The following TLN2 variants were observed in gnomAD, a reference collection of about 807,000 sequenced individuals.
TLN2 encodes the protein talin-2.
TLN2 carries 118 observed loss-of-function variants against 294.7 expected under a neutral mutation model. That is an observed-to-expected ratio of 0.40 (90% CI 0.34 to 0.47). TLN2 has a LOEUF of 0.47. Ranked by LOEUF, TLN2 falls within the 20% of genes least tolerant of loss-of-function variation. The pLI is 0.84. For missense variants in TLN2, 3,083 were observed against 3,282.2 expected (o/e 0.94, Z 1.48); for synonymous variants, 1,431 against 1,304.5 (o/e 1.10, Z -2.09).
rs541214564 is a variant in TLN2, at chr15:62,684,887, G to A, written c.958-1754G>A. Among the ~76,000 whole-genome samples the A allele has an allele frequency of 9.4e-5, 14 of 149,128 alleles. No homozygotes were observed. In the South Asian group the frequency reaches 2.9e-3, roughly 31 times the overall value. ...CTTATTAAGTATCTAGTATGTTCCA[G>A]CTCTGTTTTATGTGCCATTACCCTG... On this transcript the variant is annotated intron_variant, in intron 11 of 58. Transcript: ENST00000636159.
At chr15:62,599,062 C>T (rs992745201) in intron 2 of TLN2, among the ~76,000 whole-genome samples, 1 of 152,210 alleles carries the variant, frequency 6.6e-6, no homozygotes, top group Non-Finnish European at 1.5e-5. Flanking sequence ...CTTGTCACCT[C>T]TGTGTCAGGC....
At chr15:62,547,546 G>A (rs1038741049) in intron 1 of TLN2, among the ~76,000 whole-genome samples, 2 of 152,180 alleles carry the variant, frequency 1.3e-5, no homozygotes, top group Non-Finnish European at 2.9e-5. Context: ...GTGCTCCGAA[G>A]GTATCTGGAG....
chr15:62,481,797 T>TC (rs1555414792), intron 1 of TLN2, among the ~76,000 whole-genome samples: 1 of 120,994 alleles, frequency 8.3e-6, no homozygotes, highest in African/African-American at 3.1e-5. Context: ...TTTCTTTCTT[T>TC]CTTTTTTTTT....
rs562352775 is a variant in TLN2, at chr15:62,657,684, G to T, written c.661-87G>T. The T allele has an allele frequency of 7.2e-6, 11 of 1,525,588 alleles. No individual in the cohort carries two copies. The East Asian group carries it at 2.5e-4, about 35-fold the overall frequency. 94.5% of individuals were successfully genotyped at this position (1,525,588 alleles called of 1,614,324 possible). ...TGGCACTGTCCCCTGCTCCACAGAG[G>T]GTGTACTGGGCCATGGGAATGCGTC... is the stretch of plus-strand genomic sequence containing the variant. On this transcript the variant is annotated intron_variant, in intron 8 of 58. Transcript: ENST00000636159.
At chr15:62,703,323 G>A (rs1033436952) in intron 19 of TLN2, among the ~76,000 whole-genome samples, 11 of 151,930 alleles carry the variant, frequency 7.2e-5, no homozygotes, top group African/African-American at 2.7e-4. Context: ...GGCTGGTCTC[G>A]AACTTTGACC....
chr15:62,461,270 T>C (rs1029708350), intron 1 of TLN2, among the ~76,000 whole-genome samples: 5 of 152,172 alleles, frequency 3.3e-5, no homozygotes, highest in Non-Finnish European at 7.3e-5. Context: ...GAACTTAATG[T>C]AAATGGACCT....
intron 3 of TLN2, among the ~76,000 whole-genome samples, chr15:62,624,204 C>T (rs2049070416): frequency 6.6e-6 from 1 of 152,244 alleles, no homozygotes; most frequent in South Asian, 2.1e-4. Context: ...TGCTGTTTGG[C>T]TTGCACCTTT....
At chr15:62,840,201 C>T (rs1412350309) in intron 58 of TLN2, among the ~76,000 whole-genome samples, 2 of 152,176 alleles carry the variant, frequency 1.3e-5, no homozygotes, top group Non-Finnish European at 2.9e-5. Flanking sequence ...GGACTGTCTA[C>T]GTGGAGTGTT....
chr15:62,653,559 A>G (rs1178337195), intron 7 of TLN2, among the ~76,000 whole-genome samples: 5 of 152,028 alleles, frequency 3.3e-5, no homozygotes, highest in Admixed American at 3.3e-4. Context: ...CCTCATCTCT[A>G]CTAAAAACAC....
Position 62,653,076 on chromosome 15 carries a change from CT to C in TLN2, c.365-85del. 6 of 1,155,008 alleles carry C rather than the reference CT, an allele frequency of 5.2e-6. No homozygotes were observed. The South Asian group carries it at 1.2e-4, about 23-fold the overall frequency. 71.5% of individuals were successfully genotyped at this position (1,155,008 alleles called of 1,614,324 possible). On this transcript the variant is annotated intron_variant, in intron 6 of 58. Transcript: ENST00000636159. ...GTTTCTGGTTCTTTGCCACCAGGAG[CT>C]CCTTGGAATATCACAGGCCTTAGGC...
intron 1 of TLN2, among the ~76,000 whole-genome samples, chr15:62,403,834 C>A (rs554657039): frequency 2.0e-5 from 3 of 152,328 alleles, no homozygotes; most frequent in Admixed American, 2.0e-4. Flanking sequence ...TCCCCTGGCC[C>A]CTGTTCTCAA....
intron 2 of TLN2, among the ~76,000 whole-genome samples, chr15:62,591,902 G>A (rs1404972278): frequency 6.6e-6 from 1 of 152,134 alleles, no homozygotes; most frequent in African/African-American, 2.4e-5. Context: ...ATTGTCCTTT[G>A]AGGACCCCCA....
Position 62,392,927 on chromosome 15 carries a change from A to G in TLN2, c.-238+2242A>G, listed in dbSNP as rs144425935. Among the ~76,000 whole-genome samples the G allele has an allele frequency of 5.3e-5, 8 of 152,248 alleles. No individual in the cohort carries two copies. The East Asian group carries it at 1.4e-3, about 26-fold the overall frequency. ...CCTTGATTGCTTATTTGGGACCTCTATGCAAAATCAGAGGATGGCGGTGGG... is the reference window on the plus strand; with the variant it reads ...CCTTGATTGCTTATTTGGGACCTCTGTGCAAAATCAGAGGATGGCGGTGGG... On this transcript the variant is annotated intron_variant, in intron 1 of 58. Coordinates refer to ENST00000636159, the MANE Select transcript of TLN2 (RefSeq NM_015059.3).
chr15:62,577,460 C>A (rs2044524141), intron 1 of TLN2, among the ~76,000 whole-genome samples: 1 of 152,082 alleles, frequency 6.6e-6, no homozygotes, highest in Non-Finnish European at 1.5e-5. Flanking sequence ...CAAAACAAAA[C>A]AACAAACAAA....
chr15:62,411,817 G>T (rs1477122759), intron 1 of TLN2, among the ~76,000 whole-genome samples: 1 of 152,130 alleles, frequency 6.6e-6, no homozygotes, highest in East Asian at 1.9e-4. Context: ...AGAAGCAGGG[G>T]CTAGGCTGTT....
Position 62,775,142 on chromosome 15 carries a change from G to A in TLN2, c.5368-1622G>A, listed in dbSNP as rs565885052. On this transcript the variant is annotated intron_variant, in intron 42 of 58. Transcript: ENST00000636159. ...TGGCTCATTTTTTGTATTTTTAGTA[G>A]AGACGGGGTTTCACTGTGTTAGCCA... Among the ~76,000 whole-genome samples the A allele has an allele frequency of 2.8e-3, 430 of 151,992 alleles. 1 individual carries two copies. The highest frequency in any genetic ancestry group is 5.3e-3 in the Non-Finnish European group (362 of 67,986).
intron 1 of TLN2, among the ~76,000 whole-genome samples, chr15:62,515,952 G>A (rs1402578070): frequency 6.6e-6 from 1 of 152,176 alleles, no homozygotes; most frequent in East Asian, 1.9e-4. Flanking sequence ...AACCCCCTAT[G>A]CAACAAGATC....
chr15:62,507,867 C>G (rs1255987670), intron 1 of TLN2, among the ~76,000 whole-genome samples: 2 of 152,152 alleles, frequency 1.3e-5, no homozygotes, highest in Non-Finnish European at 2.9e-5. Context: ...GAGTGAAATC[C>G]CACATTCCGT....
At chr15:62,762,489 A>C (rs772530861) in intron 39 of TLN2, 36 bp downstream of exon 39, 1 of 1,607,086 alleles carries the variant, frequency 6.2e-7, no homozygotes, top group Non-Finnish European at 8.5e-7. Context: ...GCCAGCCTGC[A>C]TCTCAGCGGG....
Sources: gnomAD v4.1 joint callset for allele counts (sites outside exome capture counted in the v4.1 genomes callset) on GRCh38, gnomAD v4.1.1 for gene constraint, MANE v1.5 for transcripts, NCBI Gene and HGNC (gene_info 2026-07-23, HGNC 2026-07-21) for gene names.